The following ANKRD40 variants were observed in gnomAD, a reference collection of about 807,000 sequenced individuals.
The protein encoded by ANKRD40 is ankyrin repeat domain 40, also known as ankyrin repeat domain-containing protein 40.
A neutral mutation model predicts 35.5 loss-of-function variants in ANKRD40; 24 were observed. The ratio of observed to expected loss-of-function variants is 0.68; its 90% CI spans 0.49 to 0.95. The LOEUF is 0.95. Ranked by LOEUF, ANKRD40 falls within the 40% of genes least tolerant of loss-of-function variation. The probability of loss-of-function intolerance (pLI) is 0.00; values close to 1 mark genes in which losing one functional copy is unlikely to be tolerated. For missense variants in ANKRD40, 361 were observed against 436.0 expected (o/e 0.83, Z 1.53); for synonymous variants, 147 against 173.5 (o/e 0.85, Z 1.20).
In ANKRD40 at chr17:50,693,300, GC is replaced by G. The variant is rs1968152733; in HGVS notation, c.*2696del. 6.6e-6 allele frequency: 1 copy of G among 152,136 alleles called. No homozygotes were observed. Among genetic ancestry groups the G allele is most frequent in the Non-Finnish European group, 1.5e-5 (1 of 68,020 alleles). 9.4% of individuals were successfully genotyped at this position (152,136 alleles called of 1,614,324 possible). A position where few individuals can be genotyped will look rare whatever the true frequency, so the allele number is the denominator to read the frequency against. ...ATGTTTACACACAGTGTGAACACATGCTTTAAATATGCAGTGGAGGAGGAGG... is the reference window on the plus strand; with the variant it reads ...ATGTTTACACACAGTGTGAACACATGTTTAAATATGCAGTGGAGGAGGAGG... On this transcript the variant is annotated 3_prime_UTR_variant, in exon 5 of 5. Coordinates refer to ENST00000285243, the MANE Select transcript of ANKRD40 (RefSeq NM_052855.4).
rs754612575 is a variant in ANKRD40, at chr17:50,699,605, G to C, written c.572C>G (p.Ser191Trp). The part of the protein sequence containing the change: ...SLALVQNGDV[S>W]APSAILRTPE... ...TGTTCTGAGTATGGCAGAGGGGGCCGACACATCACCATTCTGAACTAGTGC... is the reference window on the plus strand; with the variant it reads ...TGTTCTGAGTATGGCAGAGGGGGCCCACACATCACCATTCTGAACTAGTGC... The change falls in exon 3 of 5, where the codon TCG becomes TGG. Residue 191 changes from serine to tryptophan, a missense_variant. Physicochemically the swap from Ser to Trp is radical, Grantham distance 177. Around this residue, in one of 5 missense-constraint regions of ANKRD40, gnomAD observed 172 missense variants for 174.0 expected, o/e 0.99. Coordinates refer to ENST00000285243, the MANE Select transcript of ANKRD40 (RefSeq NM_052855.4). 5 of 1,613,992 alleles carry C rather than the reference G, an allele frequency of 3.1e-6. No individual in the cohort carries two copies. In the African/African-American group the frequency reaches 6.7e-5, roughly 22 times the overall value.
intron 3 of ANKRD40, among the ~76,000 whole-genome samples, chr17:50,697,433 CAA>C (rs915910106): frequency 2.1e-4 from 32 of 152,092 alleles, no homozygotes; most frequent in Non-Finnish European, 5.9e-5. Flanking sequence ...GCTAAGGAGG[CAA>C]AGTCTTAAGA....
intron 4 of ANKRD40, 54 bp from the exon 5 acceptor site, chr17:50,696,197 T>C: frequency 3.2e-6 from 5 of 1,573,532 alleles, no homozygotes; most frequent in Non-Finnish European, 4.3e-6. Flanking sequence ...CTCCATATGT[T>C]TGGTGCACTC....
chr17:50,701,663 T>C (rs9897335), intron 1 of ANKRD40, among the ~76,000 whole-genome samples: 22,168 of 152,282 alleles, frequency 0.15, 1,756 homozygotes, highest in Non-Finnish European at 0.18. Context: ...ACTTTTCGCC[T>C]GTGTTTTGAA....
In ANKRD40 at chr17:50,707,672, CCCCCGCCCAGGCCCGCCTGCCCCG is replaced by C. The variant is rs1367903183; in HGVS notation, c.-42_-19del. 6.7e-7 allele frequency: 1 copy of C among 1,497,992 alleles called. No homozygotes were observed. Among genetic ancestry groups the C allele is most frequent in the Non-Finnish European group, 8.9e-7 (1 of 1,125,426 alleles). The allele number at this position is 1,497,992 out of a possible 1,614,324, so 92.8% of individuals were successfully genotyped here. On this transcript the variant is annotated 5_prime_UTR_variant, in exon 1 of 5. Transcript: ENST00000285243. This position sits in a 1 kb window ranked among gnomAD's most constrained non-coding sequence, Gnocchi z 4.8. Reference sequence around the variant, plus strand: ...GCGTTCATCTTCCCACAGCCCCAGGCCCCCGCCCAGGCCCGCCTGCCCCGCCCCGCCCGGGGCCTGTCAGCGCCG... The same window carrying C: ...GCGTTCATCTTCCCACAGCCCCAGGCCCCCGCCCGGGGCCTGTCAGCGCCG...
Position 50,707,498 on chromosome 17 carries a change from G to A in ANKRD40, c.134+23C>T. 3 of 1,601,114 alleles carry A rather than the reference G, an allele frequency of 1.9e-6. No homozygotes were observed. The highest frequency in any genetic ancestry group is 2.6e-6 in the Non-Finnish European group (3 of 1,173,714). ...CTTCCGACCGGCTGCCCTGACCCTA[G>A]GCCTCCCCCGCTCCCCACTTACCAG... On this transcript the variant is annotated intron_variant, in intron 1 of 4. Coordinates refer to ENST00000285243, the MANE Select transcript of ANKRD40 (RefSeq NM_052855.4). This position sits in a 1 kb window ranked among gnomAD's most constrained non-coding sequence, Gnocchi z 4.8.
intron 1 of ANKRD40, 186 bp from the exon 2 acceptor site, chr17:50,700,902 TA>T (rs1318988145): frequency 3.9e-6 from 2 of 518,112 alleles, no homozygotes; most frequent in African/African-American, 3.8e-5. Flanking sequence ...ATTTTGTTTT[TA>T]AATTTCATTT....
At chr17:50,706,166 G>T (rs954765564) in intron 1 of ANKRD40, among the ~76,000 whole-genome samples, 4 of 150,758 alleles carry the variant, frequency 2.7e-5, no homozygotes, top group Middle Eastern at 6.8e-3. Flanking sequence ...CTGTCGCCCA[G>T]GCTGGAGTGC....
chr17:50,697,030 T>C lies in ANKRD40; in HGVS notation c.870A>G (p.Gln290=). ...IELDRQELTY[Q]ELLRVCCCEL... is the part of the protein sequence containing the mutation. ...CACAGCAACACACTCTGAGCAACTC[T>C]TGGTAGGTGAGCTCCTGTCGGTCCA... Residue 290 remains glutamine (Q), a synonymous_variant, in exon 4 of 5, where the codon CAA becomes CAG. Transcript: ENST00000285243. The C allele has an allele frequency of 6.2e-7, 1 of 1,614,182 alleles. No homozygotes were observed. The highest frequency in any genetic ancestry group is 8.5e-7 in the Non-Finnish European group (1 of 1,180,034).
At chr17:50,705,843 T>C (rs546359169) in intron 1 of ANKRD40, among the ~76,000 whole-genome samples, 46 of 151,702 alleles carry the variant, frequency 3.0e-4, no homozygotes, top group African/African-American at 1.1e-3. Context: ...GTATCTTTAG[T>C]AGAGACAGGG....
At position 50,707,808 on chromosome 17, in the gene ANKRD40, G is replaced by A. The variant is rs544255374; in HGVS notation, c.-154C>T. The A allele has an allele frequency of 2.3e-5, 8 of 346,320 alleles. No homozygotes were observed. In the Admixed American group the frequency reaches 2.5e-4, roughly 11 times the overall value. The allele number at this position is 346,320 out of a possible 1,614,324, so 21.5% of individuals were successfully genotyped here. A position where few individuals can be genotyped will look rare whatever the true frequency, so the allele number is the denominator to read the frequency against. ...TCGCGCCGCTGCCCGCGCCCGCCCCGGGACTTCCGCTCCCTCCCGCGGGCC... is the reference window on the plus strand; with the variant it reads ...TCGCGCCGCTGCCCGCGCCCGCCCCAGGACTTCCGCTCCCTCCCGCGGGCC... On this transcript the variant is annotated 5_prime_UTR_variant, in exon 1 of 5. Transcript: ENST00000285243. This position sits in a 1 kb window ranked among gnomAD's most constrained non-coding sequence, Gnocchi z 4.8.
rs1968176262 is a variant in ANKRD40 at position 50,694,734 on chromosome 17, C to T, written c.*1263G>A. 2 of 152,182 alleles carry T rather than the reference C, an allele frequency of 1.3e-5. No individual in the cohort carries two copies. The highest frequency in any genetic ancestry group is 2.9e-5 in the Non-Finnish European group (2 of 68,024). 9.4% of individuals were successfully genotyped at this position (152,182 alleles called of 1,614,324 possible). ...GGTGTTTTGTTTCTATTTTTCAGAA[C>T]AAAGTCTGGTAGACTCATAACTGAC... On this transcript the variant is annotated 3_prime_UTR_variant, in exon 5 of 5. Transcript: ENST00000285243.
intron 2 of ANKRD40, chr17:50,700,346 G>A (rs754241905): frequency 2.2e-4 from 93 of 417,276 alleles, no homozygotes; most frequent in Non-Finnish European, 3.7e-4. Context: ...GGGAGGCTGA[G>A]GCAGGAGAAT....
Position 50,695,711 on chromosome 17 carries a change from A to C in ANKRD40, c.*286T>G, listed in dbSNP as rs1968192256. On this transcript the variant is annotated 3_prime_UTR_variant, in exon 5 of 5. Coordinates refer to ENST00000285243, the MANE Select transcript of ANKRD40 (RefSeq NM_052855.4). ...TAGACAACTCTCTTACATTCTGGAC[A>C]TAAAACACACTGGATATAGAACCTT... 1 of 282,412 alleles carries C rather than the reference A, an allele frequency of 3.5e-6. No homozygotes were observed. Among genetic ancestry groups the C allele is most frequent in the Non-Finnish European group, 6.6e-6 (1 of 151,298 alleles). The allele number at this position is 282,412 out of a possible 1,614,324, so 17.5% of individuals were successfully genotyped here.
chr17:50,707,623 T>C lies in ANKRD40; in HGVS notation c.32A>G (p.Gln11Arg), dbSNP rs147758912. The C allele has an allele frequency of 5.0e-6, 8 of 1,598,524 alleles. No individual in the cohort carries two copies. Among genetic ancestry groups the C allele is most frequent in the South Asian group, 1.1e-5 (1 of 89,994 alleles). MNALLEQKEQ[Q>R]ERLREAAALG... is the part of the protein sequence containing the mutation. The stretch of plus-strand genomic sequence containing the variant: ...GGCCGCGGCCTCCCGCAGCCTCTCC[T>C]GCTGCTCCTTCTGCTCTAGGAGGGC... The change falls in exon 1 of 5, where the codon CAG becomes CGG. Residue 11 changes from glutamine (Q) to arginine (R), a missense_variant. Transcript: ENST00000285243. This position sits in a 1 kb window ranked among gnomAD's most constrained non-coding sequence, Gnocchi z 4.8.
In ANKRD40 at chr17:50,694,950, T is replaced by C. The variant is rs984737319; in HGVS notation, c.*1047A>G. On this transcript the variant is annotated 3_prime_UTR_variant, in exon 5 of 5. Coordinates refer to ENST00000285243, the MANE Select transcript of ANKRD40 (RefSeq NM_052855.4). ...CAATAACCTTTAAAATAGCAACAGA[T>C]TCAGTCTCAAAAATTGCTTTTCATT... is the stretch of plus-strand genomic sequence containing the variant. The C allele has an allele frequency of 3.3e-5, 5 of 152,206 alleles. No individual in the cohort carries two copies. The highest frequency in any genetic ancestry group is 7.3e-5 in the Non-Finnish European group (5 of 68,034). 9.4% of individuals were successfully genotyped at this position (152,206 alleles called of 1,614,324 possible).
chr17:50,699,857 T>A lies in ANKRD40; in HGVS notation c.320A>T (p.Asn107Ile). 6.6e-7 allele frequency: 1 copy of A among 1,517,990 alleles called. No homozygotes were observed. Among genetic ancestry groups the A allele is most frequent in the South Asian group, 1.3e-5 (1 of 75,186 alleles). 94.0% of individuals were successfully genotyped at this position (1,517,990 alleles called of 1,614,324 possible). The change falls in exon 3 of 5, where the codon AAC becomes ATC. Residue 107 changes from asparagine (N) to isoleucine (I), a missense_variant. Transcript: ENST00000285243. Reference sequence around the variant, plus strand: ...TGACTCCTTCTTCAGCTGGGGGAGGTTGTCATCATCATCATCATCATCATC... The same window carrying A: ...TGACTCCTTCTTCAGCTGGGGGAGGATGTCATCATCATCATCATCATCATC... ...EEDDDDDDDD[N>I]LPQLKKESEL... is the part of the protein sequence containing the mutation.
intron 1 of ANKRD40, among the ~76,000 whole-genome samples, chr17:50,705,327 C>T (rs1312932542): frequency 6.6e-6 from 1 of 151,678 alleles, no homozygotes; most frequent in South Asian, 2.1e-4. Context: ...TACACAACAC[C>T]GCCTCCCAGT....
intron 1 of ANKRD40, among the ~76,000 whole-genome samples, chr17:50,702,559 G>A (rs1323943561): frequency 6.6e-6 from 1 of 152,156 alleles, no homozygotes; most frequent in African/African-American, 2.4e-5. Flanking sequence ...CAATTATAAT[G>A]ATAAGTGAGC....
Sources: allele counts gnomAD v4.1 joint callset (sites outside exome capture counted in the v4.1 genomes callset), GRCh38; gene constraint gnomAD v4.1.1; regional missense constraint gnomAD v4.1.1; non-coding constraint Gnocchi (gnomAD v3.1); transcripts MANE v1.5; gene names NCBI Gene and HGNC (gene_info 2026-07-23, HGNC 2026-07-21).